The following MAPK10 variants were observed in gnomAD, a reference collection of about 807,000 sequenced individuals.
The protein encoded by MAPK10 is mitogen-activated protein kinase 10.
A neutral mutation model predicts 59.3 loss-of-function variants in MAPK10; 25 were observed. The ratio of observed to expected loss-of-function variants is 0.42; its 90% confidence interval spans 0.31 to 0.59. The LOEUF is 0.59. Ranked by LOEUF, MAPK10 falls within the 20% of genes least tolerant of loss-of-function variation. The probability of loss-of-function intolerance (pLI) is 0.15; values close to 1 mark genes in which losing one functional copy is unlikely to be tolerated. For synonymous variants in MAPK10, 190 were observed against 200.5 expected, an observed-to-expected ratio of 0.95 and a Z score of 0.44; for missense variants, 351 against 568.9, an observed-to-expected ratio of 0.62 and a Z score of 3.90.
chr4:86,048,907 T>C (rs150591426), intron 11 of MAPK10, among the ~76,000 whole-genome samples: 203 of 152,236 alleles, frequency 1.3e-3, no homozygotes, highest in African/African-American at 4.7e-3. Flanking sequence ...CACTAATCTC[T>C]GTGAAAAAGT....
intron 2 of MAPK10, among the ~76,000 whole-genome samples, chr4:86,235,310 C>T (rs968438092): frequency 5.9e-5 from 9 of 152,134 alleles, no homozygotes; most frequent in Non-Finnish European, 8.8e-5. Flanking sequence ...CTTACCAAAA[C>T]GTGTGCTTTG....
At chr4:86,135,581 T>C (rs945111515) in intron 4 of MAPK10, among the ~76,000 whole-genome samples, 11 of 151,938 alleles carry the variant, frequency 7.2e-5, no homozygotes, top group Admixed American at 5.9e-4. Flanking sequence ...ACCACAAAGA[T>C]GGGGAAAAAA....
intron 3 of MAPK10, among the ~76,000 whole-genome samples, chr4:86,169,655 G>T (rs1373024259): frequency 6.6e-6 from 1 of 151,920 alleles, no homozygotes; most frequent in Non-Finnish European, 1.5e-5. Context: ...ATATTATCCA[G>T]GAGAACTTCC....
chr4:86,140,882 A>T (rs2063501717), intron 4 of MAPK10, among the ~76,000 whole-genome samples: 1 of 152,140 alleles, frequency 6.6e-6, no homozygotes, highest in South Asian at 2.1e-4. Context: ...ATGCACAATA[A>T]ATACTTTGCA....
At chr4:86,071,427 T>C (rs1459744830) in intron 9 of MAPK10, among the ~76,000 whole-genome samples, 1 of 128,530 alleles carries the variant, frequency 7.8e-6, no homozygotes, top group African/African-American at 3.3e-5. Flanking sequence ...TTGTCTTTTG[T>C]TGCCGTTGCT....
rs1758318112 is a variant in MAPK10, at chr4:86,537,247, T to C, written c.-263+56663A>G. On this transcript the variant is annotated intron_variant, in intron 1 of 4. Transcript: ENST00000502302. The stretch of plus-strand genomic sequence containing the variant: ...AAATAAGTAAAAGTACTAACAATAA[T>C]GAGATCCAGGAATAAAATGAGACTG... 2.6e-5 allele frequency among the ~76,000 whole-genome samples: 4 copies of C among 152,174 alleles called. No individual in the cohort carries two copies. The South Asian group carries it at 8.3e-4, about 32-fold the overall frequency.
chr4:86,425,767 G>A (rs1747200555), intron 1 of MAPK10, among the ~76,000 whole-genome samples: 1 of 152,200 alleles, frequency 6.6e-6, no homozygotes, highest in Non-Finnish European at 1.5e-5. Flanking sequence ...GAGGCCAGGA[G>A]TTCGAGAGCA....
chr4:86,139,106 C>G (rs2062973028), intron 4 of MAPK10, among the ~76,000 whole-genome samples: 1 of 141,866 alleles, frequency 7.0e-6, no homozygotes, highest in Non-Finnish European at 1.5e-5. Context: ...GGCCATACTG[C>G]CCAAGGTAAT....
At chr4:86,252,347 G>C (rs1302699603) in intron 2 of MAPK10, among the ~76,000 whole-genome samples, 4 of 109,968 alleles carry the variant, frequency 3.6e-5, no homozygotes, top group East Asian at 2.2e-4. Context: ...ATTGATTTTT[G>C]TATAAGGTGT....
intron 2 of MAPK10, among the ~76,000 whole-genome samples, chr4:86,272,685 C>T (rs1359658897): frequency 1.3e-5 from 2 of 151,908 alleles, no homozygotes; most frequent in Non-Finnish European, 2.9e-5. Flanking sequence ...ATAAGAATAA[C>T]CCAAACAGAA....
chr4:86,282,905 T>C (rs1333212579), intron 2 of MAPK10, among the ~76,000 whole-genome samples: 1 of 152,198 alleles, frequency 6.6e-6, no homozygotes, highest in African/African-American at 2.4e-5. Context: ...CAAGAGGTTT[T>C]ATTTTATATT....
chr4:86,361,565 A>G (rs1400287285), upstream of MAPK10, among the ~76,000 whole-genome samples: 1 of 152,152 alleles, frequency 6.6e-6, no homozygotes, highest in Non-Finnish European at 1.5e-5. Flanking sequence ...CTGCATTCCC[A>G]TATTTATTGC....
At chr4:86,218,943 G>A (rs1020943568) in intron 2 of MAPK10, among the ~76,000 whole-genome samples, 1 of 152,152 alleles carries the variant, frequency 6.6e-6, no homozygotes, top group Non-Finnish European at 1.5e-5. Context: ...AAATGGAAGC[G>A]GCTTTACCCA....
In MAPK10 at chr4:86,358,420, A is replaced by G. The variant is rs553202820; in HGVS notation, c.-122+1238T>C. ...AACTGTAGTCTATCCCATATGACTT[A>G]GCCTGCTTCCTTGCAGTTTGTTCAT... On this transcript the variant is annotated intron_variant, in intron 1 of 13. Transcript: ENST00000641462. 26 of 970,896 alleles carry G rather than the reference A, an allele frequency of 2.7e-5. No individual in the cohort carries two copies. The African/African-American group carries it at 3.7e-4, about 14-fold the overall frequency. The allele number at this position is 970,896 out of a possible 1,614,324, so 60.1% of individuals were successfully genotyped here. A position where few individuals can be genotyped will look rare whatever the true frequency, so the allele number is the denominator to read the frequency against.
At chr4:86,310,876 C>T (rs979847968) in intron 2 of MAPK10, among the ~76,000 whole-genome samples, 1 of 152,094 alleles carries the variant, frequency 6.6e-6, no homozygotes, top group Non-Finnish European at 1.5e-5. Context: ...ATTTACTCCA[C>T]ATCTCCTACT....
intron 2 of MAPK10, among the ~76,000 whole-genome samples, chr4:86,236,099 A>T (rs1282134685): frequency 2.6e-5 from 4 of 151,998 alleles, no homozygotes; most frequent in South Asian, 2.1e-4. Flanking sequence ...CATCTGCAAC[A>T]CACTCTCTCT....
chr4:86,165,576 TTTTTTTTA>T (rs1439972622), intron 3 of MAPK10, among the ~76,000 whole-genome samples: 4 of 119,672 alleles, frequency 3.3e-5, no homozygotes, highest in Admixed American at 8.5e-5. Flanking sequence ...TTTTTTTTTT[TTTTTTTTA>T]GAGATGAGGT....
rs575929944 is a variant in MAPK10 at position 86,275,364 on chromosome 4, T to TAGATA, written c.-7+79165_-7+79166insTATCT. On this transcript the variant is annotated intron_variant, in intron 2 of 13. Coordinates refer to ENST00000641462, the MANE Select transcript of MAPK10 (RefSeq NM_138982.4). ...AAATAACCTATATAATTTTTCAGAT[T>TAGATA]AAAGTGAAAATTGTGATAAGGAAAT... Among the ~76,000 whole-genome samples the TAGATA allele has an allele frequency of 5.8e-3, 884 of 152,096 alleles. 7 individuals carry two copies. The highest frequency in any genetic ancestry group is 0.02 in the African/African-American group (832 of 41,534).
At chr4:86,568,318 T>C (rs1761210122) in intron 1 of MAPK10, among the ~76,000 whole-genome samples, 1 of 152,090 alleles carries the variant, frequency 6.6e-6, no homozygotes, top group Non-Finnish European at 1.5e-5. Context: ...TGGAAAAATA[T>C]CAAATGGTCA....
Sources: allele counts gnomAD v4.1 joint callset (sites outside exome capture counted in the v4.1 genomes callset), GRCh38; gene constraint gnomAD v4.1.1; transcripts MANE v1.5; gene names NCBI Gene and HGNC (gene_info 2026-07-23, HGNC 2026-07-21).